The following CCDC6 variants were observed in gnomAD, a reference collection of about 807,000 sequenced individuals.
CCDC6 encodes coiled-coil domain containing 6, also known as coiled-coil domain-containing protein 6.
In CCDC6, 20 loss-of-function variants were observed where a neutral mutation model predicts 56.6. That is an observed-to-expected ratio of 0.35 (90% CI 0.25 to 0.51). The LOEUF is 0.51. Ranked by LOEUF, CCDC6 falls within the 20% of genes least tolerant of loss-of-function variation. The probability of loss-of-function intolerance (pLI) is 0.95; values close to 1 mark genes in which losing one functional copy is unlikely to be tolerated. For synonymous variants in CCDC6, 241 were observed against 234.4 expected, an observed-to-expected ratio of 1.03 and a Z score of -0.26; for missense variants, 367 against 601.1, an observed-to-expected ratio of 0.61 and a Z score of 4.07.
chr10:59,883,084 G>A (rs758223689), intron 1 of CCDC6, among the ~76,000 whole-genome samples: 2 of 151,998 alleles, frequency 1.3e-5, no homozygotes, highest in East Asian at 1.9e-4. Context: ...TCGTACCCCC[G>A]AAACACAGTG....
intron 1 of CCDC6, among the ~76,000 whole-genome samples, chr10:59,894,924 T>G (rs960560195): frequency 4.6e-5 from 7 of 152,196 alleles, no homozygotes; most frequent in African/African-American, 1.7e-4. Flanking sequence ...GAATTTGCTG[T>G]GGCAAAGGAG....
At chr10:59,848,316 G>A (rs2071011117) in intron 2 of CCDC6, among the ~76,000 whole-genome samples, 1 of 152,184 alleles carries the variant, frequency 6.6e-6, no homozygotes. Context: ...GAAGTTTGGT[G>A]ATGTTTTCGT....
At chr10:59,822,235 G>A (rs971616601) in intron 3 of CCDC6, among the ~76,000 whole-genome samples, 2 of 152,098 alleles carry the variant, frequency 1.3e-5, no homozygotes, top group Non-Finnish European at 2.9e-5. Flanking sequence ...ACATTAATAT[G>A]CCATTATTAA....
intron 5 of CCDC6, among the ~76,000 whole-genome samples, chr10:59,807,490 CAA>C (rs1248287844): frequency 6.6e-6 from 1 of 152,036 alleles, no homozygotes; most frequent in Non-Finnish European, 1.5e-5. Flanking sequence ...TCTCAAAAAA[CAA>C]AGAAACAAAA....
At chr10:59,821,690 G>C (rs2132637225) in intron 3 of CCDC6, among the ~76,000 whole-genome samples, 1 of 152,258 alleles carries the variant, frequency 6.6e-6, no homozygotes, top group African/African-American at 2.4e-5. Flanking sequence ...AAGGAAAAGG[G>C]GGAGGAAGAG....
At chr10:59,811,090 C>A (rs1178016659) in intron 5 of CCDC6, among the ~76,000 whole-genome samples, 1 of 152,148 alleles carries the variant, frequency 6.6e-6, no homozygotes, top group Non-Finnish European at 1.5e-5. Context: ...GATGGCTGCC[C>A]TGATGACACC....
rs185907189 is a variant in CCDC6 at position 59,867,988 on chromosome 10, T to C, written c.304-15286A>G. 6.5e-4 allele frequency among the ~76,000 whole-genome samples: 99 copies of C among 152,302 alleles called. 1 individual carries two copies. In the East Asian group the frequency reaches 0.017, roughly 27 times the overall value. On this transcript the variant is annotated intron_variant, in intron 1 of 8. Transcript: ENST00000263102. Reference sequence around the variant, plus strand: ...ATTGATGTATTATGTTTCCCTAAAGTGTACCACAAACAAGCTGTACCACCT... The same window carrying C: ...ATTGATGTATTATGTTTCCCTAAAGCGTACCACAAACAAGCTGTACCACCT...
intron 1 of CCDC6, among the ~76,000 whole-genome samples, chr10:59,868,923 C>T (rs897468484): frequency 6.6e-6 from 1 of 152,212 alleles, no homozygotes; most frequent in Non-Finnish European, 1.5e-5. Flanking sequence ...TCCCATGCAC[C>T]TCTTTCTTAT....
In CCDC6 at chr10:59,812,693, C is replaced by A; in HGVS notation, c.789G>T (p.Arg263Ser). ...GCCGTTCCACTTCATTCTTTAAAAA[C>A]CTGATGTGACGCATCATATTTTCTG... ...DSPENMMRHIRFLKNEVERLK... is the reference protein window; with the variant it reads ...DSPENMMRHISFLKNEVERLK... Residue 263 changes from arginine (R) to serine (S), a missense_variant, in exon 5 of 9, where the codon AGG becomes AGT. By Grantham distance (110) the Arg-to-Ser change is moderately radical. This residue lies in a region of CCDC6 where 81 missense variants were observed against 150.8 expected (regional missense o/e 0.54). Transcript: ENST00000263102. 1 of 1,613,140 alleles carries A rather than the reference C, an allele frequency of 6.2e-7. No homozygotes were observed.
At chr10:59,804,549 A>G (rs1432168091) in intron 6 of CCDC6, 29 bp from the exon 7 acceptor site, 18 of 1,289,050 alleles carry the variant, frequency 1.4e-5, no homozygotes, top group Non-Finnish European at 2.0e-5. Flanking sequence ...AAACGATAAA[A>G]CCACCTGCAT....
At chr10:59,828,394 T>A (rs17790901) in intron 3 of CCDC6, among the ~76,000 whole-genome samples, 29,977 of 152,232 alleles carry the variant, frequency 0.2, 3,665 homozygotes, top group Middle Eastern at 0.29. Flanking sequence ...CATCTGCTTA[T>A]AAATTGACTT....
intron 1 of CCDC6, among the ~76,000 whole-genome samples, chr10:59,888,702 T>C (rs182534030): frequency 9.3e-4 from 141 of 152,304 alleles, no homozygotes; most frequent in African/African-American, 3.3e-3. Context: ...ATGATAATGG[T>C]ATGGTGGTTA....
chr10:59,792,740 G>A lies in CCDC6; in HGVS notation c.*177C>T. Reference sequence around the variant, plus strand: ...AAAAAGTCGTCTGGTTAGTGTTGTAGACCCACAACACTGGCTGCATTTCTG... The same window carrying A: ...AAAAAGTCGTCTGGTTAGTGTTGTAAACCCACAACACTGGCTGCATTTCTG... On this transcript the variant is annotated 3_prime_UTR_variant, in exon 9 of 9. Coordinates refer to ENST00000263102, the MANE Select transcript of CCDC6 (RefSeq NM_005436.5). 1.3e-6 allele frequency: 1 copy of A among 794,466 alleles called. No homozygotes were observed. Among genetic ancestry groups the A allele is most frequent in the East Asian group, 2.4e-5 (1 of 41,252 alleles). 49.2% of individuals were successfully genotyped at this position (794,466 alleles called of 1,614,324 possible). A position where few individuals can be genotyped will look rare whatever the true frequency, so the allele number is the denominator to read the frequency against.
Position 59,906,361 on chromosome 10 carries a change from C to T in CCDC6, c.64G>A (p.Ala22Thr), listed in dbSNP as rs1354675850. 1.3e-6 allele frequency: 2 copies of T among 1,595,018 alleles called. No homozygotes were observed. Among genetic ancestry groups the T allele is most frequent in the Admixed American group, 1.7e-5 (1 of 59,786 alleles). Residue 22 changes from alanine to threonine, a missense_variant, in exon 1 of 9, where the codon GCC becomes ACC. Ala to Thr is a moderately conservative substitution (Grantham distance 58, BLOSUM62 0). This residue lies in a region of CCDC6 where 79 missense variants were observed against 74.9 expected (regional missense o/e 1.05). Transcript: ENST00000263102. ...GTCGACGAGCAGGACGACTGCATGG[C>T]GGCCGAGCTGCTGCTGTTGCCCCCC... ...GAGGNSSSSA[A>T]MQSSCSSTSG...
At chr10:59,902,656 C>T (rs966130800) in intron 1 of CCDC6, among the ~76,000 whole-genome samples, 2 of 152,050 alleles carry the variant, frequency 1.3e-5, no homozygotes, top group African/African-American at 4.8e-5. Flanking sequence ...GCCTTGGCCT[C>T]CCCAAAGTGC....
chr10:59,803,256 G>T (rs1564737701), intron 7 of CCDC6, among the ~76,000 whole-genome samples: 1 of 151,866 alleles, frequency 6.6e-6, no homozygotes, highest in Non-Finnish European at 1.5e-5. Flanking sequence ...AGAGCACACT[G>T]GCCCATCGGT....
rs549148555 is a variant in CCDC6 at position 59,842,303 on chromosome 10, T to C, written c.454-9650A>G. On this transcript the variant is annotated intron_variant, in intron 2 of 8. Transcript: ENST00000263102. Reference sequence around the variant, plus strand: ...CTCAAATGATCTGCCCATCTCGGCCTCCCAAAGTGCTAGGATTACAGGTGT... The same window carrying C: ...CTCAAATGATCTGCCCATCTCGGCCCCCCAAAGTGCTAGGATTACAGGTGT... Among the ~76,000 whole-genome samples the C allele has an allele frequency of 4.6e-5, 7 of 152,212 alleles. No individual in the cohort carries two copies. In the East Asian group the frequency reaches 1.2e-3, roughly 25 times the overall value.
intron 2 of CCDC6, among the ~76,000 whole-genome samples, chr10:59,850,199 G>C (rs2071025834): frequency 6.6e-6 from 1 of 152,178 alleles, no homozygotes; most frequent in Non-Finnish European, 1.5e-5. Flanking sequence ...GAGGGGAAGA[G>C]AATGGGCATT....
intron 3 of CCDC6, among the ~76,000 whole-genome samples, chr10:59,816,831 A>C (rs912441584): frequency 1.3e-5 from 2 of 152,220 alleles, no homozygotes; most frequent in Non-Finnish European, 2.9e-5. Context: ...CTGGCACCTT[A>C]TAGGCCATCA....
Sources: allele counts gnomAD v4.1 joint callset (sites outside exome capture counted in the v4.1 genomes callset), GRCh38; gene constraint gnomAD v4.1.1; regional missense constraint gnomAD v4.1.1; transcripts MANE v1.5; gene names NCBI Gene and HGNC (gene_info 2026-07-23, HGNC 2026-07-21).